The following XYLT1 variants were observed in gnomAD, a reference collection of about 807,000 sequenced individuals.
XYLT1 encodes beta-D-xylosyltransferase 1.
A neutral mutation model predicts 91.3 loss-of-function variants in XYLT1; 36 were observed. The observed-to-expected ratio is 0.39, with a 90% CI of 0.30 to 0.52. XYLT1 has a LOEUF of 0.52. Ranked by LOEUF, XYLT1 falls within the 20% of genes least tolerant of loss-of-function variation. The pLI is 0.68. For missense variants in XYLT1, 1,242 were observed against 1,284.5 expected (o/e 0.97, Z 0.51); for synonymous variants, 588 against 532.0 (o/e 1.11, Z -1.45).
At chr16:17,118,811 C>T (rs2029948389) in intron 10 of XYLT1, among the ~76,000 whole-genome samples, 1 of 152,150 alleles carries the variant, frequency 6.6e-6, no homozygotes, top group Admixed American at 6.5e-5. Context: ...ACCCCCTCCC[C>T]ATCTTTCTCC....
At chr16:17,272,187 A>T (rs188008222) in intron 2 of XYLT1, among the ~76,000 whole-genome samples, 294 of 111,698 alleles carry the variant, frequency 2.6e-3, no homozygotes, top group African/African-American at 9.6e-3. Context: ...TTTGAGACAG[A>T]GTCTCGCTTT....
chr16:17,276,611 G>A (rs186285899), intron 2 of XYLT1, among the ~76,000 whole-genome samples: 153 of 152,256 alleles, frequency 1.0e-3, no homozygotes, highest in Admixed American at 1.1e-3. Context: ...GGAAACTCTG[G>A]TCACTCCCTT....
At chr16:17,205,965 A>T (rs2032636041) in intron 3 of XYLT1, among the ~76,000 whole-genome samples, 1 of 152,178 alleles carries the variant, frequency 6.6e-6, no homozygotes. Flanking sequence ...ACAAGGTTGT[A>T]TGCAAATGAG....
At chr16:17,142,953 C>T (rs181433899) in intron 6 of XYLT1, among the ~76,000 whole-genome samples, 6 of 152,268 alleles carry the variant, frequency 3.9e-5, no homozygotes, top group Middle Eastern at 3.4e-3. Flanking sequence ...TCCAAAATCA[C>T]GAACCTCCCC....
chr16:17,194,344 A>G (rs976891113), intron 5 of XYLT1: 2 of 152,362 alleles, frequency 1.3e-5, no homozygotes, highest in Middle Eastern at 3.4e-3. Flanking sequence ...TGGACTCTTT[A>G]GGGGAGGTGG....
intron 1 of XYLT1, among the ~76,000 whole-genome samples, chr16:17,468,574 A>T (rs912740620): frequency 3.9e-5 from 6 of 152,210 alleles, no homozygotes; most frequent in Admixed American, 1.3e-4. Context: ...CAGATCTCTC[A>T]GAGGCTGAGC....
intron 2 of XYLT1, among the ~76,000 whole-genome samples, chr16:17,344,142 C>G (rs902735789): frequency 6.6e-6 from 1 of 151,990 alleles, no homozygotes; most frequent in Non-Finnish European, 1.5e-5. Context: ...CTAGTGTGTA[C>G]ATGCCAGAGA....
At chr16:17,354,693 A>G (rs2035270328) in intron 2 of XYLT1, 1 of 152,178 alleles carries the variant, frequency 6.6e-6, no homozygotes, top group African/African-American at 2.4e-5. Context: ...TACATCTGTC[A>G]CCTAACCTCT....
At position 17,103,481 on chromosome 16, in the gene XYLT1, A is replaced by G. The variant is rs1194089359; in HGVS notation, c.*5214T>C. 5 of 152,260 alleles carry G rather than the reference A, an allele frequency of 3.3e-5. No individual in the cohort carries two copies. The highest frequency in any genetic ancestry group is 7.2e-5 in the African/African-American group (3 of 41,478). The allele number at this position is 152,260 out of a possible 1,614,324, so 9.4% of individuals were successfully genotyped here. ...GCAGCCCCTTCCTTAGGAGGCTGCC[A>G]CAGAAGCTTCACGATGCTGTCTTCT... On this transcript the variant is annotated 3_prime_UTR_variant, in exon 12 of 12. Transcript: ENST00000261381.
intron 1 of XYLT1, among the ~76,000 whole-genome samples, chr16:17,361,277 A>C (rs2035377751): frequency 6.6e-6 from 1 of 152,196 alleles, no homozygotes. Context: ...AGACACGTGA[A>C]ACAAACCTGT....
chr16:17,278,852 C>G (rs918962623), intron 2 of XYLT1, among the ~76,000 whole-genome samples: 2 of 152,204 alleles, frequency 1.3e-5, no homozygotes, highest in Non-Finnish European at 2.9e-5. Flanking sequence ...TTGTACTCTT[C>G]ACTTTACAGC....
rs186727978 is a variant in XYLT1 at position 17,122,154 on chromosome 16, C to G, written c.2224-4175G>C. 9.8e-5 allele frequency among the ~76,000 whole-genome samples: 15 copies of G among 152,312 alleles called. No individual in the cohort carries two copies. The East Asian group carries it at 1.7e-3, about 18-fold the overall frequency. ...ATTGCTGGATCAAATGGTAGAACTA[C>G]TTGTAGTTCTTTAAGGAATCTCCAC... On this transcript the variant is annotated intron_variant, in intron 10 of 11. Transcript: ENST00000261381.
chr16:17,357,102 G>A (rs973701324), intron 2 of XYLT1, among the ~76,000 whole-genome samples: 2 of 148,784 alleles, frequency 1.3e-5, no homozygotes, highest in Admixed American at 6.7e-5. Context: ...GCGTGAACCC[G>A]GGAGGCAGAG....
At chr16:17,230,842 T>C (rs2033147119) in intron 3 of XYLT1, among the ~76,000 whole-genome samples, 1 of 152,198 alleles carries the variant, frequency 6.6e-6, no homozygotes, top group African/African-American at 2.4e-5. Context: ...GATACATCTA[T>C]CAATATCTGG....
intron 1 of XYLT1, among the ~76,000 whole-genome samples, chr16:17,440,861 T>A (rs1174495742): frequency 6.6e-6 from 1 of 152,106 alleles, no homozygotes; most frequent in African/African-American, 2.4e-5. Flanking sequence ...CATAGAAATC[T>A]AAAGCAAAGG....
chr16:17,175,003 C>T (rs1386563412), intron 5 of XYLT1, among the ~76,000 whole-genome samples: 5 of 152,152 alleles, frequency 3.3e-5, no homozygotes, highest in Admixed American at 2.0e-4. Context: ...AATTCCTGAC[C>T]TCAAGTTACC....
intron 2 of XYLT1, among the ~76,000 whole-genome samples, chr16:17,289,315 T>C (rs1311308717): frequency 6.6e-6 from 1 of 152,214 alleles, no homozygotes; most frequent in Non-Finnish European, 1.5e-5. Flanking sequence ...CTTCTCTGTA[T>C]CATCACCATT....
At chr16:17,162,185 G>A (rs750729317) in intron 5 of XYLT1, among the ~76,000 whole-genome samples, 8 of 151,960 alleles carry the variant, frequency 5.3e-5, no homozygotes, top group African/African-American at 1.9e-4. Context: ...AGGCAGGTGG[G>A]TCACTTGAGG....
At chr16:17,258,872 T>G in intron 3 of XYLT1, 116 bp downstream of exon 3, 3 of 1,260,444 alleles carry the variant, frequency 2.4e-6, no homozygotes, top group Non-Finnish European at 3.1e-6. Context: ...TCATCTGGGG[T>G]TTGGAAAACA....
Sources: allele counts gnomAD v4.1 joint callset (sites outside exome capture counted in the v4.1 genomes callset), GRCh38; gene constraint gnomAD v4.1.1; transcripts MANE v1.5; gene names NCBI Gene and HGNC (gene_info 2026-07-23, HGNC 2026-07-21).